Variants in PLCB1 observed in about 807,000 individuals in gnomAD.
PLCB1 encodes the protein 1-phosphatidylinositol 4,5-bisphosphate phosphodiesterase beta-1.
Under a neutral mutation model 161.8 loss-of-function variants are expected in PLCB1, and 46 were observed. That is an observed-to-expected ratio of 0.28 (90% confidence interval 0.22 to 0.36). The LOEUF is 0.36. Ranked by LOEUF, PLCB1 falls within the 10% of genes least tolerant of loss-of-function variation. The pLI is 1.00. For missense variants in PLCB1, 1,016 were observed against 1,472.5 expected (o/e 0.69, Z 5.07); for synonymous variants, 517 against 503.7 (o/e 1.03, Z -0.35).
chr20:8,607,334 C>T (rs1987785684), intron 3 of PLCB1, among the ~76,000 whole-genome samples: 1 of 152,186 alleles, frequency 6.6e-6, no homozygotes, highest in Non-Finnish European at 1.5e-5. Context: ...TAAATTAAAT[C>T]ATTTCACTCC....
At chr20:8,765,932 G>A (rs533260347) in intron 26 of PLCB1, among the ~76,000 whole-genome samples, 15 of 152,232 alleles carry the variant, frequency 9.9e-5, no homozygotes, top group South Asian at 2.1e-4. Flanking sequence ...GCCTGCCTCG[G>A]CCTCCCAAAG....
At chr20:8,514,730 ATC>A (rs1356471068) in intron 3 of PLCB1, among the ~76,000 whole-genome samples, 1 of 152,166 alleles carries the variant, frequency 6.6e-6, no homozygotes, top group African/African-American at 2.4e-5. Flanking sequence ...CAAAAACAGT[ATC>A]TTTTTGCTAG....
chr20:8,191,233 A>G (rs1313256780), intron 2 of PLCB1, among the ~76,000 whole-genome samples: 3 of 152,042 alleles, frequency 2.0e-5, no homozygotes, highest in Non-Finnish European at 4.4e-5. Context: ...TAATGATCAC[A>G]TCATGGAGAA....
intron 3 of PLCB1, among the ~76,000 whole-genome samples, chr20:8,518,906 G>A (rs1984241980): frequency 6.6e-6 from 1 of 151,850 alleles, no homozygotes; most frequent in Non-Finnish European, 1.5e-5. Context: ...CTCATAAGGA[G>A]CATGCAAAGT....
chr20:8,399,199 C>T (rs890530405), intron 3 of PLCB1, among the ~76,000 whole-genome samples: 10 of 151,078 alleles, frequency 6.6e-5, no homozygotes, highest in South Asian at 2.1e-4. Context: ...TCTAACTTAC[C>T]GTTCTTTTGT....
intron 1 of PLCB1, among the ~76,000 whole-genome samples, chr20:8,136,397 CG>C (rs754895262): frequency 1.1e-3 from 170 of 152,224 alleles, no homozygotes; most frequent in Non-Finnish European, 2.1e-3. Flanking sequence ...GAAGCCGAGG[CG>C]GGCAGATCAC....
At chr20:8,303,589 A>G (rs1283170659) in intron 2 of PLCB1, among the ~76,000 whole-genome samples, 1 of 152,190 alleles carries the variant, frequency 6.6e-6, no homozygotes, top group Non-Finnish European at 1.5e-5. Context: ...AGGGTAATTT[A>G]AAAATCTCTA....
chr20:8,876,911 C>T (rs1987801118), intron 31 of PLCB1, among the ~76,000 whole-genome samples: 1 of 152,120 alleles, frequency 6.6e-6, no homozygotes. Flanking sequence ...ACAGCATATA[C>T]TTTTGACACA....
chr20:8,221,871 A>G (rs1327347636), intron 2 of PLCB1, among the ~76,000 whole-genome samples: 1 of 152,200 alleles, frequency 6.6e-6, no homozygotes, highest in East Asian at 1.9e-4. Context: ...ATCTCTTTGC[A>G]TAATTACTTA....
Position 8,517,517 on chromosome 20 carries a change from G to A in PLCB1, c.247-110777G>A, listed in dbSNP as rs1054702080. On this transcript the variant is annotated intron_variant, in intron 3 of 31. Transcript: ENST00000338037. ...ATAGCCCAGTGGCAGTGGGCTGGGCGGGAAAACAGCAACTGCTAGCAATCA... is the reference window on the plus strand; with the variant it reads ...ATAGCCCAGTGGCAGTGGGCTGGGCAGGAAAACAGCAACTGCTAGCAATCA... Among the ~76,000 whole-genome samples, 11 of 152,276 alleles carry A rather than the reference G, an allele frequency of 7.2e-5. 1 individual carries two copies. The highest frequency in any genetic ancestry group is 1.5e-5 in the Non-Finnish European group (1 of 68,020).
chr20:8,140,601 C>T (rs928731862), intron 1 of PLCB1, among the ~76,000 whole-genome samples: 11 of 152,032 alleles, frequency 7.2e-5, no homozygotes, highest in Admixed American at 2.6e-4. Context: ...AAAGAGCAAG[C>T]GTTTGTCTTT....
intron 10 of PLCB1, 117 bp downstream of exon 10, chr20:8,685,195 T>G (rs1414977988): frequency 1.1e-5 from 11 of 974,330 alleles, no homozygotes; most frequent in Non-Finnish European, 1.3e-5. Flanking sequence ...GAAGTGCCTC[T>G]GAGAACTCTG....
At chr20:8,504,884 T>C (rs111329330) in intron 3 of PLCB1, among the ~76,000 whole-genome samples, 1 of 152,338 alleles carries the variant, frequency 6.6e-6, no homozygotes, top group African/African-American at 2.4e-5. Context: ...TTTTGTTTTT[T>C]AGAGACAAGG....
intron 3 of PLCB1, among the ~76,000 whole-genome samples, chr20:8,556,514 C>T (rs1412730603): frequency 6.6e-6 from 1 of 152,010 alleles, no homozygotes; most frequent in Non-Finnish European, 1.5e-5. Context: ...AAAAGTGATG[C>T]ATATGCCCAG....
At position 8,462,163 on chromosome 20, in the gene PLCB1, G is replaced by C. The variant is rs534395291; in HGVS notation, c.246+90713G>C. Among the ~76,000 whole-genome samples, 87 of 152,018 alleles carry C rather than the reference G, an allele frequency of 5.7e-4. 1 individual carries two copies. Among genetic ancestry groups the C allele is most frequent in the African/African-American group, 2.0e-3 (81 of 41,442 alleles). On this transcript the variant is annotated intron_variant, in intron 3 of 31. Coordinates refer to ENST00000338037, the MANE Select transcript of PLCB1 (RefSeq NM_015192.4). ...AGCATTGCCTACTTCAAGAAAATAA[G>C]AAAAATCACAAGGGGTAACATTTCG...
chr20:8,623,587 AC>A lies in PLCB1; in HGVS notation c.247-4704del, dbSNP rs148129714. On this transcript the variant is annotated intron_variant, in intron 3 of 31. Transcript: ENST00000338037. ...CCAGCTCGTTTTTTTCCTAGTATGT[AC>A]CCATAGTTGCTTTTCTTTGACATAG... 2.4e-4 allele frequency among the ~76,000 whole-genome samples: 37 copies of A among 152,218 alleles called. 2 individuals are homozygous for A. The East Asian group carries it at 7.2e-3, about 29-fold the overall frequency.
At chr20:8,756,827 A>T (rs932982618) in intron 23 of PLCB1, among the ~76,000 whole-genome samples, 1 of 152,190 alleles carries the variant, frequency 6.6e-6, no homozygotes, top group Non-Finnish European at 1.5e-5. Flanking sequence ...GCATAGACAT[A>T]GGTTGGTGTA....
At chr20:8,292,271 C>T (rs1983418332) in intron 2 of PLCB1, among the ~76,000 whole-genome samples, 1 of 151,996 alleles carries the variant, frequency 6.6e-6, no homozygotes. Flanking sequence ...AAGTTGATTC[C>T]TTTCTAGTTA....
At chr20:8,280,469 G>A (rs1039936873) in intron 2 of PLCB1, among the ~76,000 whole-genome samples, 1 of 152,046 alleles carries the variant, frequency 6.6e-6, no homozygotes, top group Non-Finnish European at 1.5e-5. Flanking sequence ...TTAACTGTAA[G>A]GCTTATGTCA....
Sources: gnomAD v4.1 joint callset for allele counts (sites outside exome capture counted in the v4.1 genomes callset) on GRCh38, gnomAD v4.1.1 for gene constraint, MANE v1.5 for transcripts, NCBI Gene and HGNC (gene_info 2026-07-23, HGNC 2026-07-21) for gene names.